The following DOCK2 variants were observed in gnomAD, a reference collection of about 807,000 sequenced individuals.
The protein encoded by DOCK2 is dedicator of cytokinesis 2.
In DOCK2, 87 loss-of-function variants were observed where a neutral mutation model predicts 248.9. The ratio of observed to expected loss-of-function variants is 0.35; its 90% CI spans 0.29 to 0.42. The LOEUF (loss-of-function observed/expected upper bound fraction) is 0.42. DOCK2 is among the 10% of genes least tolerant of loss of function. The probability of loss-of-function intolerance (pLI) is 1.00; values close to 1 mark genes in which losing one functional copy is unlikely to be tolerated. For synonymous variants in DOCK2, 805 were observed against 821.6 expected, an observed-to-expected ratio of 0.98 and a Z score of 0.35; for missense variants, 1,747 against 2,300.2, an observed-to-expected ratio of 0.76 and a Z score of 4.92.
Position 169,996,971 on chromosome 5 carries a change from A to T in DOCK2, c.3072+807A>T, listed in dbSNP as rs182314126. 3.8e-3 allele frequency among the ~76,000 whole-genome samples: 583 copies of T among 152,240 alleles called. 5 individuals are homozygous for T. The highest frequency in any genetic ancestry group is 0.014 in the African/African-American group (565 of 41,540). On this transcript the variant is annotated intron_variant, in intron 30 of 51. Transcript: ENST00000520908. ...AGAGACACAGAGACAAAGTATAGAG[A>T]AAGAAATAAGGGGACCCGGGGAACC...
rs556468444 is a variant in DOCK2, at chr5:169,663,036, T to G, written c.128-6252T>G. Among the ~76,000 whole-genome samples, 33 of 152,332 alleles carry G rather than the reference T, an allele frequency of 2.2e-4. 2 individuals are homozygous for G. In the South Asian group the frequency reaches 6.6e-3, roughly 31 times the overall value. On this transcript the variant is annotated intron_variant, in intron 2 of 51. Coordinates refer to ENST00000520908, the MANE Select transcript of DOCK2 (RefSeq NM_004946.3). ...TGTAAAATCAAAACAACAAGTCAGTTACTTCCAAGATACAATGGGGGTACA... is the reference window on the plus strand; with the variant it reads ...TGTAAAATCAAAACAACAAGTCAGTGACTTCCAAGATACAATGGGGGTACA...
chr5:170,075,702 G>A (rs1757816223), intron 46 of DOCK2: 3 of 444,366 alleles, frequency 6.8e-6, no homozygotes, highest in Non-Finnish European at 1.2e-5. Context: ...GGGAAGAGGG[G>A]AGTCCAGCCC....
intron 33 of DOCK2, among the ~76,000 whole-genome samples, chr5:170,025,641 C>G (rs773615074): frequency 5.9e-5 from 9 of 152,174 alleles, no homozygotes; most frequent in Admixed American, 1.3e-4. Flanking sequence ...CAACCCTTGA[C>G]ATTGGATAAT....
chr5:169,700,739 C>T (rs773936907), intron 13 of DOCK2, among the ~76,000 whole-genome samples: 10 of 151,982 alleles, frequency 6.6e-5, no homozygotes, highest in Admixed American at 1.3e-4. Flanking sequence ...GGACTAAGTT[C>T]CTGCACCAGC....
intron 27 of DOCK2, among the ~76,000 whole-genome samples, chr5:169,895,715 T>C (rs536072873): frequency 2.0e-5 from 3 of 152,250 alleles, no homozygotes; most frequent in African/African-American, 7.2e-5. Flanking sequence ...GGCAAAGCCT[T>C]TCTCTTACAA....
At chr5:169,811,533 C>T (rs1241806336) in intron 26 of DOCK2, among the ~76,000 whole-genome samples, 4 of 152,200 alleles carry the variant, frequency 2.6e-5, no homozygotes, top group Non-Finnish European at 4.4e-5. Context: ...GCACCTTCTG[C>T]TGTGACCAAG....
intron 23 of DOCK2, among the ~76,000 whole-genome samples, chr5:169,754,701 C>T (rs953105352): frequency 6.6e-6 from 1 of 152,152 alleles, no homozygotes; most frequent in Admixed American, 6.5e-5. Flanking sequence ...TACTGGATAA[C>T]AGCCAGCAGG....
chr5:169,874,410 C>CAAAA (rs34525811), intron 27 of DOCK2, among the ~76,000 whole-genome samples: 25 of 72,006 alleles, frequency 3.5e-4, no homozygotes, highest in South Asian at 6.6e-4. Flanking sequence ...GACTCTGTCT[C>CAAAA]AAAAAAAAAA....
At chr5:169,765,737 G>A (rs1008886482) in intron 25 of DOCK2, among the ~76,000 whole-genome samples, 11 of 152,194 alleles carry the variant, frequency 7.2e-5, no homozygotes, top group Non-Finnish European at 1.5e-4. Flanking sequence ...GAGAGAGAGA[G>A]ACAGACACCT....
chr5:170,038,437 A>G (rs1273064170), intron 36 of DOCK2, among the ~76,000 whole-genome samples: 5 of 152,238 alleles, frequency 3.3e-5, no homozygotes, highest in Admixed American at 3.3e-4. Context: ...AGAATATTTA[A>G]AAACATTTTT....
intron 14 of DOCK2, among the ~76,000 whole-genome samples, chr5:169,706,243 G>C (rs1561620025): frequency 6.6e-6 from 1 of 152,206 alleles, no homozygotes; most frequent in Non-Finnish European, 1.5e-5. Context: ...TTTCACCAGA[G>C]ATATATGTGT....
At chr5:169,883,775 C>G in intron 27 of DOCK2, 1 of 1,551,650 alleles carries the variant, frequency 6.4e-7, no homozygotes, top group Non-Finnish European at 8.7e-7. Flanking sequence ...GTGGTCCCAT[C>G]TTCCTTGAAT....
At chr5:170,002,083 TAAAAACAAACAAAGACA>T (rs1754854188) in intron 30 of DOCK2, among the ~76,000 whole-genome samples, 1 of 152,100 alleles carries the variant, frequency 6.6e-6, no homozygotes, top group Non-Finnish European at 1.5e-5. Flanking sequence ...ACAGTATCTA[TAAAAACAAACAAAGACA>T]AAAAACAAAC....
At chr5:169,699,212 T>C (rs1384809328) in intron 11 of DOCK2, among the ~76,000 whole-genome samples, 170 bp from the exon 12 acceptor site, 2 of 152,214 alleles carry the variant, frequency 1.3e-5, no homozygotes, top group East Asian at 1.9e-4. Flanking sequence ...GCCACATTGC[T>C]TTGTGATAAA....
At chr5:169,655,158 G>A (rs556142294) in intron 2 of DOCK2, among the ~76,000 whole-genome samples, 60 of 152,350 alleles carry the variant, frequency 3.9e-4, no homozygotes, top group Middle Eastern at 3.4e-3. Context: ...TTGGGAGCAT[G>A]GCTTGGGCAT....
At position 169,758,385 on chromosome 5, in the gene DOCK2, G is replaced by T. The variant is rs1010984570; in HGVS notation, c.2377-1320G>T. Reference sequence around the variant, plus strand: ...GAGGAGAGATTGGGACCCAGAGGAGGATGCGATATAGGACTTTGGAAACAA... The same window carrying T: ...GAGGAGAGATTGGGACCCAGAGGAGTATGCGATATAGGACTTTGGAAACAA... On this transcript the variant is annotated intron_variant, in intron 23 of 51. Transcript: ENST00000520908. Among the ~76,000 whole-genome samples, 6 of 152,280 alleles carry T rather than the reference G, an allele frequency of 3.9e-5. 1 individual carries two copies. The Middle Eastern group carries it at 0.014, about 345-fold the overall frequency.
rs1756171879 is a variant in DOCK2 at position 170,032,377 on chromosome 5, C to T, written c.3468-2022C>T. Among the ~76,000 whole-genome samples, 2 of 152,100 alleles carry T rather than the reference C, an allele frequency of 1.3e-5. 1 individual carries two copies. The highest frequency in any genetic ancestry group is 4.1e-4 in the South Asian group (2 of 4,832). ...GTTGGAATCTCCTAGAGAATGTAAACAATAAAATACTGCTGCCTGGGTCCC... is the reference window on the plus strand; with the variant it reads ...GTTGGAATCTCCTAGAGAATGTAAATAATAAAATACTGCTGCCTGGGTCCC... On this transcript the variant is annotated intron_variant, in intron 34 of 51. Coordinates refer to ENST00000520908, the MANE Select transcript of DOCK2 (RefSeq NM_004946.3).
At chr5:169,993,440 G>T (rs1376800208) in intron 29 of DOCK2, among the ~76,000 whole-genome samples, 3 of 152,122 alleles carry the variant, frequency 2.0e-5, no homozygotes, top group Admixed American at 6.5e-5. Flanking sequence ...TGTGAAAAAG[G>T]TTACATTACT....
chr5:170,019,149 C>G lies in DOCK2; in HGVS notation c.3381+41C>G, dbSNP rs548318420. On this transcript the variant is annotated intron_variant, in intron 33 of 51. Transcript: ENST00000520908. ...GGAAACTCATGCCAGCATGCCTAAT[C>G]CCCAGCCCATTTCCCCATAATGATA... The G allele has an allele frequency of 2.8e-5, 45 of 1,612,946 alleles. No homozygotes were observed. In the African/African-American group the frequency reaches 5.9e-4, roughly 21 times the overall value.
Sources: gnomAD v4.1 joint callset for allele counts (sites outside exome capture counted in the v4.1 genomes callset) on GRCh38, gnomAD v4.1.1 for gene constraint, MANE v1.5 for transcripts, NCBI Gene and HGNC (gene_info 2026-07-23, HGNC 2026-07-21) for gene names.